The following NAV2 variants were observed in gnomAD, a reference collection of about 807,000 sequenced individuals.
NAV2 encodes the protein neuron navigator 2, also known as helicase, APC down-regulated 1.
A neutral mutation model predicts 223.2 loss-of-function variants in NAV2; 54 were observed. That is an observed-to-expected ratio of 0.24 (90% CI 0.19 to 0.30). The LOEUF (loss-of-function observed/expected upper bound fraction) is 0.30, where lower values mean the gene tolerates loss of function less well. NAV2 is among the 10% of genes least tolerant of loss of function. The probability of loss-of-function intolerance (pLI) is 1.00; values close to 1 mark genes in which losing one functional copy is unlikely to be tolerated. For synonymous variants in NAV2, 1,279 were observed against 1,239.3 expected, an observed-to-expected ratio of 1.03 and a Z score of -0.67; for missense variants, 2,806 against 3,147.5, an observed-to-expected ratio of 0.89 and a Z score of 2.60.
chr11:19,948,310 T>C (rs2047100679), intron 9 of NAV2, among the ~76,000 whole-genome samples: 1 of 152,186 alleles, frequency 6.6e-6, no homozygotes, highest in Admixed American at 6.5e-5. Context: ...GGTCTTGATT[T>C]CTTGACTTCA....
In NAV2 at chr11:19,506,636, A is replaced by C. The variant is rs539914743; in HGVS notation, c.75+155609A>C. On this transcript the variant is annotated intron_variant, in intron 1 of 37. Coordinates refer to the NAV2 transcript ENST00000360655. ...TTTGTAGAGTTAGGAGTTCTGACTC[A>C]GTTCTGGTGGCATTAGCATAGCTGG... The C allele has an allele frequency of 1.7e-3, 244 of 141,870 alleles. 2 individuals are homozygous for C. The highest frequency in any genetic ancestry group is 5.9e-3 in the African/African-American group (232 of 39,184). The allele number at this position is 141,870 out of a possible 1,614,324, so 8.8% of individuals were successfully genotyped here. A position where few individuals can be genotyped will look rare whatever the true frequency, so the allele number is the denominator to read the frequency against.
At chr11:19,908,190 A>T (rs952209244) in intron 6 of NAV2, among the ~76,000 whole-genome samples, 1 of 152,260 alleles carries the variant, frequency 6.6e-6, no homozygotes, top group African/African-American at 2.4e-5. Context: ...GCTAAGGTAG[A>T]GGCTGGCTTC....
In NAV2 at chr11:20,092,365, C is replaced by T; in HGVS notation, c.5812C>T (p.Leu1938=). 6.2e-7 allele frequency: 1 copy of T among 1,611,062 alleles called. No individual in the cohort carries two copies. Among genetic ancestry groups the T allele is most frequent in the Non-Finnish European group, 8.5e-7 (1 of 1,177,566 alleles). The change falls in exon 28 of 38, where the codon CTG becomes TTG. Residue 1938 remains leucine (L), a synonymous_variant. Transcript: ENST00000349880. ...CTTGAACCTCACTGAGTCAACCAGC[C>T]TGGGTGAGTGGCCTACAGGGTTTGG... ...HSLNLTESTS[L]DMLLDDTGEC... is the part of the protein sequence containing the mutation.
intron 1 of NAV2, among the ~76,000 whole-genome samples, chr11:19,620,670 C>T (rs4460785): frequency 0.97 from 147,987 of 152,304 alleles, 72,048 homozygotes; most frequent in East Asian, 1. Flanking sequence ...GCTGAGATGA[C>T]TGGATTTTCT....
chr11:20,111,150 G>A (rs1480667241), intron 36 of NAV2, among the ~76,000 whole-genome samples: 1 of 152,202 alleles, frequency 6.6e-6, no homozygotes, highest in Non-Finnish European at 1.5e-5. Flanking sequence ...TGAATGTGCA[G>A]CCGATGCATC....
At chr11:19,488,260 T>G (rs1179977553) in intron 1 of NAV2, among the ~76,000 whole-genome samples, 1 of 152,190 alleles carries the variant, frequency 6.6e-6, no homozygotes, top group Non-Finnish European at 1.5e-5. Flanking sequence ...ATTGAAAAGA[T>G]GCAAAATGAA....
intron 1 of NAV2, among the ~76,000 whole-genome samples, chr11:19,616,993 C>T (rs2046817108): frequency 1.3e-5 from 2 of 152,004 alleles, no homozygotes. Context: ...ACATGGGTCT[C>T]ATAACGTTAC....
chr11:19,728,347 A>C (rs1283590883), intron 1 of NAV2, among the ~76,000 whole-genome samples: 1 of 152,098 alleles, frequency 6.6e-6, no homozygotes, highest in Non-Finnish European at 1.5e-5. Flanking sequence ...CAAATAATCC[A>C]CCAGCCCTGA....
At chr11:19,739,549 C>T (rs1305578979) in intron 1 of NAV2, among the ~76,000 whole-genome samples, 2 of 152,082 alleles carry the variant, frequency 1.3e-5, no homozygotes, top group Non-Finnish European at 2.9e-5. Flanking sequence ...AGCTGATGGC[C>T]CTCAGACTGA....
At chr11:19,445,086 G>A (rs34749932) in intron 1 of NAV2, among the ~76,000 whole-genome samples, 4,570 of 152,228 alleles carry the variant, frequency 0.03, 236 homozygotes, top group African/African-American at 0.11. Flanking sequence ...TCAGGCACTG[G>A]GTGAATGGGA....
At chr11:19,676,376 A>T (rs543004529) in intron 1 of NAV2, among the ~76,000 whole-genome samples, 1 of 152,316 alleles carries the variant, frequency 6.6e-6, no homozygotes, top group East Asian at 1.9e-4. Context: ...CAAAATGAAG[A>T]TAATACTACC....
At chr11:19,609,316 A>T (rs2046567293) in intron 1 of NAV2, among the ~76,000 whole-genome samples, 1 of 152,210 alleles carries the variant, frequency 6.6e-6, no homozygotes, top group Non-Finnish European at 1.5e-5. Context: ...TTGAAACAAA[A>T]ATTGAAATTG....
intron 10 of NAV2, among the ~76,000 whole-genome samples, chr11:19,972,077 A>C (rs796907289): frequency 6.6e-6 from 1 of 152,208 alleles, no homozygotes; most frequent in African/African-American, 2.4e-5. Flanking sequence ...GAGGAGGTGC[A>C]GAGCTGGAGG....
intron 2 of NAV2, among the ~76,000 whole-genome samples, chr11:19,834,877 T>C (rs1426889924): frequency 6.6e-6 from 1 of 152,224 alleles, no homozygotes; most frequent in Non-Finnish European, 1.5e-5. Flanking sequence ...TACAGCAGTC[T>C]TATGAAATTC....
chr11:19,361,826 G>A (rs890442090), intron 1 of NAV2, among the ~76,000 whole-genome samples: 18 of 152,300 alleles, frequency 1.2e-4, no homozygotes, highest in African/African-American at 4.3e-4. Context: ...TGTCCCTGGA[G>A]TATCTTCCCA....
chr11:19,919,999 G>A (rs758385343), intron 6 of NAV2, among the ~76,000 whole-genome samples: 13 of 152,106 alleles, frequency 8.5e-5, no homozygotes, highest in East Asian at 1.9e-4. Flanking sequence ...GCCGGGCATG[G>A]TAGCATGTAC....
chr11:19,979,195 T>A (rs975589258), intron 10 of NAV2: 2 of 152,078 alleles, frequency 1.3e-5, no homozygotes, highest in Non-Finnish European at 2.9e-5. Flanking sequence ...TTCTGAAAAA[T>A]CTGTAGAAGA....
At chr11:19,991,718 A>G (rs1182243959) in intron 11 of NAV2, among the ~76,000 whole-genome samples, 1 of 152,184 alleles carries the variant, frequency 6.6e-6, no homozygotes, top group Admixed American at 6.5e-5. Context: ...ACATGGTTGC[A>G]TTTTTTAGTA....
intron 11 of NAV2, among the ~76,000 whole-genome samples, chr11:20,031,128 G>A (rs1303709518): frequency 6.6e-6 from 1 of 152,158 alleles, no homozygotes; most frequent in Non-Finnish European, 1.5e-5. Flanking sequence ...CCTCTTCCAG[G>A]AATGATGGTT....
Sources: gnomAD v4.1 joint callset for allele counts (sites outside exome capture counted in the v4.1 genomes callset) on GRCh38, gnomAD v4.1.1 for gene constraint, MANE v1.5 for transcripts, NCBI Gene and HGNC (gene_info 2026-07-23, HGNC 2026-07-21) for gene names.